ALK: variants seen among roughly 807,000 people sequenced by gnomAD.
The protein encoded by ALK is ALK tyrosine kinase receptor.
In ALK, 74 loss-of-function variants were observed where a neutral mutation model predicts 163.1. That is an observed-to-expected ratio of 0.45 (90% CI 0.38 to 0.55). The LOEUF (loss-of-function observed/expected upper bound fraction) is 0.55. Ranked by LOEUF, ALK falls within the 20% of genes least tolerant of loss-of-function variation. ALK has a pLI of 0.00. For missense variants in ALK, 2,063 were observed against 2,105.3 expected, an observed-to-expected ratio of 0.98 and a Z score of 0.39; for synonymous variants, 960 against 843.2, an observed-to-expected ratio of 1.14 and a Z score of -2.40.
rs1476422281 is a variant in ALK at position 29,920,966 on chromosome 2, C to T, written c.-307G>A. 6 of 477,268 alleles carry T rather than the reference C, an allele frequency of 1.3e-5. No homozygotes were observed. The highest frequency in any genetic ancestry group is 5.8e-5 in the African/African-American group (3 of 51,608). The allele number at this position is 477,268 out of a possible 1,614,324, so 29.6% of individuals were successfully genotyped here. ...GAGTGCCGCGCCCCCGTCTGTAGCT[C>T]GCTGCGCTCGGTACAGAGGAACTAC... On this transcript the variant is annotated 5_prime_UTR_variant, in exon 1 of 29. Coordinates refer to ENST00000389048, the MANE Select transcript of ALK (RefSeq NM_004304.5).
intron 4 of ALK, among the ~76,000 whole-genome samples, chr2:29,488,361 C>T (rs1250846871): frequency 1.3e-5 from 2 of 152,126 alleles, no homozygotes; most frequent in Admixed American, 6.5e-5. Flanking sequence ...GGGTCATTCC[C>T]TAACCCCCAA....
chr2:29,610,305 C>T (rs890365211), intron 3 of ALK, among the ~76,000 whole-genome samples: 1 of 152,084 alleles, frequency 6.6e-6, no homozygotes, highest in Non-Finnish European at 1.5e-5. Context: ...CAAATGATTC[C>T]CGGCTGCTTG....
chr2:29,831,223 G>A lies in ALK; in HGVS notation c.667+88770C>T, dbSNP rs958148780. Among the ~76,000 whole-genome samples, 17 of 39,076 alleles carry A rather than the reference G, an allele frequency of 4.4e-4. 1 individual carries two copies. The highest frequency in any genetic ancestry group is 7.7e-4 in the Non-Finnish European group (15 of 19,464). 25.6% of individuals were successfully genotyped at this position (39,076 alleles called of 152,430 possible). A position where few individuals can be genotyped will look rare whatever the true frequency, so the allele number is the denominator to read the frequency against. ...GGGAAGGGGAAGAGGAAGAGGAAGA[G>A]GAAGAAGAAGAGGAAGAAGAAGAGG... On this transcript the variant is annotated intron_variant, in intron 1 of 28. Coordinates refer to ENST00000389048, the MANE Select transcript of ALK (RefSeq NM_004304.5).
At chr2:29,292,329 C>T (rs143089530) in intron 9 of ALK, among the ~76,000 whole-genome samples, 89 of 152,172 alleles carry the variant, frequency 5.8e-4, no homozygotes, top group Non-Finnish European at 1.0e-3. Context: ...GCTCTGTAAG[C>T]GTGTCAAAGC....
chr2:29,705,600 C>T (rs1421188336), intron 2 of ALK, among the ~76,000 whole-genome samples: 1 of 152,040 alleles, frequency 6.6e-6, no homozygotes, highest in Non-Finnish European at 1.5e-5. Flanking sequence ...TAACTGCAAG[C>T]ACAGATCCTG....
chr2:29,440,463 T>C (rs1359189285), intron 4 of ALK, among the ~76,000 whole-genome samples: 4 of 151,746 alleles, frequency 2.6e-5, no homozygotes, highest in Non-Finnish European at 4.4e-5. Flanking sequence ...ATTACAGGCA[T>C]CTGCCACCAC....
At chr2:29,585,622 C>T (rs1189752086) in intron 3 of ALK, among the ~76,000 whole-genome samples, 1 of 152,030 alleles carries the variant, frequency 6.6e-6, no homozygotes, top group South Asian at 2.1e-4. Context: ...GCCACTGTGC[C>T]CACCCTGTCA....
intron 1 of ALK, among the ~76,000 whole-genome samples, chr2:29,840,769 G>A (rs1019059830): frequency 1.3e-5 from 2 of 152,312 alleles, no homozygotes; most frequent in Admixed American, 1.3e-4. Context: ...ATGGCACATT[G>A]TAGTATGCAA....
At chr2:29,362,167 G>T (rs192232464) in intron 5 of ALK, among the ~76,000 whole-genome samples, 5 of 152,110 alleles carry the variant, frequency 3.3e-5, no homozygotes, top group Admixed American at 6.6e-5. Flanking sequence ...GAGAACAGGG[G>T]GAAAGAAGGA....
At chr2:29,561,913 C>A (rs1430991438) in intron 3 of ALK, among the ~76,000 whole-genome samples, 1 of 152,008 alleles carries the variant, frequency 6.6e-6, no homozygotes, top group Admixed American at 6.6e-5. Flanking sequence ...GGGGTGGGGT[C>A]TAAGTAGTGA....
At chr2:29,367,805 C>T (rs1033306534) in intron 5 of ALK, among the ~76,000 whole-genome samples, 8 of 152,178 alleles carry the variant, frequency 5.3e-5, no homozygotes, top group Non-Finnish European at 1.0e-4. Flanking sequence ...TAAGCTTATG[C>T]TACTTGGCTT....
intron 11 of ALK, among the ~76,000 whole-genome samples, chr2:29,274,713 A>G (rs1156691896): frequency 6.6e-6 from 1 of 152,234 alleles, no homozygotes; most frequent in Non-Finnish European, 1.5e-5. Flanking sequence ...TGTGCAACAG[A>G]TAACCTTGGC....
At chr2:29,476,186 A>C (rs1408974073) in intron 4 of ALK, among the ~76,000 whole-genome samples, 1 of 152,042 alleles carries the variant, frequency 6.6e-6, no homozygotes, top group African/African-American at 2.4e-5. Context: ...TGCCAACCCA[A>C]ATGCTGCCCT....
chr2:29,425,666 C>T (rs2148070409), intron 4 of ALK, among the ~76,000 whole-genome samples: 1 of 152,310 alleles, frequency 6.6e-6, no homozygotes, highest in South Asian at 2.1e-4. Flanking sequence ...GCCACAATCT[C>T]TTGCTCCCTG....
intron 16 of ALK, 74 bp downstream of exon 16, chr2:29,228,810 G>A (rs2148180306): frequency 1.0e-6 from 1 of 985,350 alleles, no homozygotes. Context: ...GGGCAGGGGA[G>A]GGCAGGGCAG....
chr2:29,488,186 A>G (rs897978725), intron 4 of ALK, among the ~76,000 whole-genome samples: 1 of 152,172 alleles, frequency 6.6e-6, no homozygotes, highest in Non-Finnish European at 1.5e-5. Context: ...GCCTATGTGA[A>G]TGATTACATT....
At chr2:29,624,080 G>T (rs545711477) in intron 3 of ALK, among the ~76,000 whole-genome samples, 1 of 29,490 alleles carries the variant, frequency 3.4e-5, no homozygotes, top group Non-Finnish European at 1.1e-4. Context: ...AAGACTCTTC[G>T]TAGAAAGGTA....
intron 8 of ALK, among the ~76,000 whole-genome samples, chr2:29,297,763 A>G (rs749494184): frequency 1.3e-5 from 2 of 152,238 alleles, no homozygotes; most frequent in Admixed American, 6.5e-5. Flanking sequence ...TTGAAAGAAA[A>G]TTGTAACTAA....
At chr2:29,439,338 A>C (rs1488922837) in intron 4 of ALK, among the ~76,000 whole-genome samples, 1 of 152,246 alleles carries the variant, frequency 6.6e-6, no homozygotes, top group East Asian at 1.9e-4. Context: ...CCTTATGCTT[A>C]TAGCTCTTAC....
Sources: gnomAD v4.1 joint callset for allele counts (sites outside exome capture counted in the v4.1 genomes callset) on GRCh38, gnomAD v4.1.1 for gene constraint, MANE v1.5 for transcripts, NCBI Gene and HGNC (gene_info 2026-07-23, HGNC 2026-07-21) for gene names.